Variants in SOX6 observed in about 807,000 individuals in gnomAD.
The protein encoded by SOX6 is SRY-box transcription factor 6, also known as transcription factor SOX-6.
SOX6 carries 11 observed loss-of-function variants against 97.8 expected under a neutral mutation model. The ratio of observed to expected loss-of-function variants is 0.11; its 90% CI spans 0.07 to 0.19. The LOEUF (loss-of-function observed/expected upper bound fraction) is 0.19. Ranked by LOEUF, SOX6 falls within the 10% of genes least tolerant of loss-of-function variation. The pLI is 1.00. For synonymous variants in SOX6, 360 were observed against 371.4 expected (o/e 0.97, Z 0.35); for missense variants, 810 against 1,039.5 (o/e 0.78, Z 3.04).
At chr11:16,072,548 T>TG (rs1418534307) in intron 9 of SOX6, among the ~76,000 whole-genome samples, 8 of 152,272 alleles carry the variant, frequency 5.3e-5, no homozygotes, top group African/African-American at 1.7e-4. Flanking sequence ...ATGAAAATTT[T>TG]CCCAACCTCA....
intron 3 of SOX6, among the ~76,000 whole-genome samples, chr11:16,284,535 C>T (rs1854675050): frequency 6.6e-6 from 1 of 152,002 alleles, no homozygotes; most frequent in African/African-American, 2.4e-5. Context: ...TATTCACTCC[C>T]CAACAGATAT....
intron 4 of SOX6, among the ~76,000 whole-genome samples, chr11:16,219,384 T>C (rs975253863): frequency 2.0e-5 from 3 of 152,112 alleles, no homozygotes; most frequent in Non-Finnish European, 4.4e-5. Flanking sequence ...AGGCCCATTC[T>C]AATTTTATCT....
chr11:16,281,529 A>G (rs1339758137), intron 3 of SOX6, among the ~76,000 whole-genome samples: 2 of 152,054 alleles, frequency 1.3e-5, no homozygotes, highest in Non-Finnish European at 2.9e-5. Context: ...CAAAGCTTTC[A>G]GGAATAGTGG....
chr11:16,552,507 G>A (rs1325295919), intron 4 of SOX6, among the ~76,000 whole-genome samples: 1 of 152,026 alleles, frequency 6.6e-6, no homozygotes, highest in Non-Finnish European at 1.5e-5. Flanking sequence ...CTATTGGTCT[G>A]GGCAAATGAA....
At chr11:16,273,714 AC>A (rs1211471625) in intron 3 of SOX6, among the ~76,000 whole-genome samples, 1 of 152,088 alleles carries the variant, frequency 6.6e-6, no homozygotes, top group Non-Finnish European at 1.5e-5. Flanking sequence ...GATGTCACAT[AC>A]GAAGATGAAA....
At chr11:16,052,579 A>T (rs1415341217) in intron 10 of SOX6, among the ~76,000 whole-genome samples, 2 of 151,964 alleles carry the variant, frequency 1.3e-5, no homozygotes, top group Non-Finnish European at 2.9e-5. Flanking sequence ...TTTGGGGTCT[A>T]TTTCTATTGA....
chr11:16,621,618 CAA>C (rs1848546402), intron 3 of SOX6, among the ~76,000 whole-genome samples: 2 of 152,130 alleles, frequency 1.3e-5, no homozygotes, highest in African/African-American at 4.8e-5. Context: ...CTATGCTAAA[CAA>C]GAGACTAGCA....
intron 9 of SOX6, among the ~76,000 whole-genome samples, chr11:16,063,497 TATATATATATATATATATATATATATATA>T (rs1184926003): frequency 0.019 from 182 of 9,538 alleles, 6 homozygotes; most frequent in African/African-American, 0.023. Flanking sequence ...ACCATAATTT[TATATATATATATATATATATATATATATA>T]TATATATATA....
chr11:16,132,505 A>AAAGAAAGAAAGC (rs1451899878), intron 6 of SOX6, among the ~76,000 whole-genome samples: 1,777 of 85,762 alleles, frequency 0.021, 206 homozygotes, highest in Middle Eastern at 0.032. Context: ...AGAAAGAAAG[A>AAAGAAAGAAAGC]AAGCTTATCT....
chr11:16,065,163 G>T (rs1480578351), intron 9 of SOX6, among the ~76,000 whole-genome samples: 1 of 152,042 alleles, frequency 6.6e-6, no homozygotes, highest in Non-Finnish European at 1.5e-5. Flanking sequence ...AATACGTTCA[G>T]CAAAGTTGCA....
intron 3 of SOX6, among the ~76,000 whole-genome samples, chr11:16,666,887 T>A (rs1847811088): frequency 6.6e-6 from 1 of 151,022 alleles, no homozygotes; most frequent in African/African-American, 2.4e-5. Flanking sequence ...AAAGGGCAAA[T>A]CTAAGAAATA....
At chr11:16,314,091 T>A (rs904214187) in intron 3 of SOX6, 1 of 152,156 alleles carries the variant, frequency 6.6e-6, no homozygotes, top group Non-Finnish European at 1.5e-5. Flanking sequence ...CAACTTATTG[T>A]GCTAAAAAAC....
intron 4 of SOX6, among the ~76,000 whole-genome samples, chr11:16,555,322 TAAC>T (rs1248870743): frequency 6.6e-6 from 1 of 151,864 alleles, no homozygotes; most frequent in Non-Finnish European, 1.5e-5. Flanking sequence ...GCTGAACATC[TAAC>T]AACATAACTA....
intron 13 of SOX6, among the ~76,000 whole-genome samples, chr11:16,013,455 C>T (rs993922963): frequency 6.6e-6 from 1 of 151,970 alleles, no homozygotes; most frequent in Non-Finnish European, 1.5e-5. Flanking sequence ...GGCAGAGGAA[C>T]CTCAACCCTT....
chr11:16,165,758 C>T (rs1850871979), intron 6 of SOX6, among the ~76,000 whole-genome samples: 1 of 151,846 alleles, frequency 6.6e-6, no homozygotes, highest in Admixed American at 6.6e-5. Flanking sequence ...ATTAGCCAGG[C>T]ATGGTGGCAT....
rs534850527 is a variant in SOX6, at chr11:16,510,592, T to C, written n.610-34204A>G. Among the ~76,000 whole-genome samples, 19 of 152,228 alleles carry C rather than the reference T, an allele frequency of 1.2e-4. No individual in the cohort carries two copies. In the South Asian group the frequency reaches 2.9e-3, roughly 23 times the overall value. On this transcript the variant is annotated intron_variant and non_coding_transcript_variant, in intron 4 of 5. Transcript: ENST00000524520. ...AGTTAACCTATTTGGTAAAAAGAAA[T>C]ATTTCATTGTATAGTATATCAATTT...
chr11:16,476,619 T>A (rs993104588), upstream of SOX6, among the ~76,000 whole-genome samples: 5 of 151,942 alleles, frequency 3.3e-5, no homozygotes, highest in African/African-American at 1.2e-4. Flanking sequence ...TTTAAAAAAA[T>A]CGGTAATAAA....
At chr11:16,373,774 T>C (rs1300636482) in intron 1 of SOX6, among the ~76,000 whole-genome samples, 2 of 147,788 alleles carry the variant, frequency 1.4e-5, no homozygotes, top group East Asian at 4.0e-4. Flanking sequence ...CATTATTAGG[T>C]CATAACCATG....
chr11:16,491,197 G>A (rs1860505881), intron 4 of SOX6, among the ~76,000 whole-genome samples: 1 of 152,120 alleles, frequency 6.6e-6, no homozygotes, highest in South Asian at 2.1e-4. Context: ...TTTGTTTTAT[G>A]CAAGAGCATT....
Sources: allele counts gnomAD v4.1 joint callset (sites outside exome capture counted in the v4.1 genomes callset), GRCh38; gene constraint gnomAD v4.1.1; transcripts MANE v1.5; gene names NCBI Gene and HGNC (gene_info 2026-07-23, HGNC 2026-07-21).